Variants in MALRD1 observed in about 807,000 individuals in gnomAD.
MALRD1 encodes the protein MAM and LDL-receptor class A domain-containing protein 1.
In MALRD1, 247 loss-of-function variants were observed where a neutral mutation model predicts 242.1. That is an observed-to-expected ratio of 1.02 (90% CI 0.92 to 1.13). MALRD1 has a LOEUF of 1.13. MALRD1 is among the 50% of genes most tolerant of loss of function. MALRD1 has a pLI of 0.00. For synonymous variants in MALRD1, 995 were observed against 866.6 expected, an observed-to-expected ratio of 1.15 and a Z score of -2.60; for missense variants, 2,989 against 2,533.1, an observed-to-expected ratio of 1.18 and a Z score of -3.86.
chr10:19,534,475 C>T (rs1834563438), intron 32 of MALRD1, among the ~76,000 whole-genome samples: 1 of 152,146 alleles, frequency 6.6e-6, no homozygotes, highest in South Asian at 2.1e-4. Flanking sequence ...TACTGCAGGA[C>T]CACTCCTTAT....
chr10:19,220,968 A>G (rs1313924254), intron 18 of MALRD1, among the ~76,000 whole-genome samples: 1 of 152,184 alleles, frequency 6.6e-6, no homozygotes, highest in Non-Finnish European at 1.5e-5. Context: ...ACTTTCAAAT[A>G]AAATATTCTC....
At chr10:19,708,901 G>A (rs1185327080) in intron 38 of MALRD1, among the ~76,000 whole-genome samples, 2 of 121,884 alleles carry the variant, frequency 1.6e-5, no homozygotes, top group Non-Finnish European at 3.8e-5. Flanking sequence ...GACTTCAGGT[G>A]ATCTGCCCGC....
chr10:19,461,013 G>A (rs1835911578), intron 29 of MALRD1, among the ~76,000 whole-genome samples: 1 of 152,122 alleles, frequency 6.6e-6, no homozygotes, highest in Admixed American at 6.6e-5. Flanking sequence ...TCTGGTTATA[G>A]TAACCTAATT....
chr10:19,378,032 G>T (rs962324002), intron 26 of MALRD1, among the ~76,000 whole-genome samples: 6 of 151,950 alleles, frequency 3.9e-5, no homozygotes, highest in African/African-American at 1.4e-4. Context: ...AACATAATTG[G>T]ATTAATTGAC....
At chr10:19,615,173 A>G (rs1327780783) in intron 35 of MALRD1, among the ~76,000 whole-genome samples, 1 of 152,048 alleles carries the variant, frequency 6.6e-6, no homozygotes, top group African/African-American at 2.4e-5. Flanking sequence ...TACACTATCT[A>G]TATACATATA....
intron 21 of MALRD1, among the ~76,000 whole-genome samples, chr10:19,302,585 A>T (rs1842001382): frequency 6.6e-6 from 1 of 151,778 alleles, no homozygotes. Context: ...GATTGGGCAA[A>T]TCTACAGAAA....
chr10:19,200,306 T>C (rs1239468814), intron 14 of MALRD1, among the ~76,000 whole-genome samples: 2 of 152,238 alleles, frequency 1.3e-5, no homozygotes, highest in African/African-American at 4.8e-5. Flanking sequence ...AAATTACTAC[T>C]CACATGCTCA....
rs528040630 is a variant in MALRD1 at position 19,567,608 on chromosome 10, C to T, written c.5585C>T (p.Pro1862Leu). The T allele has an allele frequency of 1.8e-5, 28 of 1,550,476 alleles. No individual in the cohort carries two copies. In the East Asian group the frequency reaches 4.4e-4, roughly 24 times the overall value. ...TCTGTGCCTCTCTCCAGTAACAGTC[C>T]GTTTAAGGTGGCATTTGAAGCTGAT... The part of the protein sequence containing the change: ...YGSVPLSSNS[P>L]FKVAFEADLD... Residue 1862 changes from proline to leucine, a missense_variant, in exon 33 of 40, where the codon CCG becomes CTG. Pro to Leu is a moderately conservative substitution (Grantham distance 98). Coordinates refer to ENST00000454679, the MANE Select transcript of MALRD1 (RefSeq NM_001142308.3).
chr10:19,065,287 C>CAAAAAAAAAAAAAAAAAAA (rs1197670439), intron 1 of MALRD1, among the ~76,000 whole-genome samples: 7 of 50,624 alleles, frequency 1.4e-4, no homozygotes, highest in East Asian at 9.2e-4. Flanking sequence ...AACGCTGTCT[C>CAAAAAAAAAAAAAAAAAAA]AAAAAAAAAA....
intron 26 of MALRD1, among the ~76,000 whole-genome samples, chr10:19,352,948 T>C (rs1258895982): frequency 1.3e-5 from 2 of 152,140 alleles, no homozygotes. Context: ...ATAAATATTA[T>C]TAACGAGACA....
intron 36 of MALRD1, among the ~76,000 whole-genome samples, chr10:19,680,816 T>A (rs1172566366): frequency 6.6e-6 from 1 of 152,168 alleles, no homozygotes; most frequent in Non-Finnish European, 1.5e-5. Flanking sequence ...TCAGGAGCAC[T>A]TGGAAGGCAG....
At chr10:19,328,463 G>A (rs974610718) in intron 23 of MALRD1, among the ~76,000 whole-genome samples, 7 of 152,076 alleles carry the variant, frequency 4.6e-5, no homozygotes, top group East Asian at 1.9e-4. Flanking sequence ...ATTTAGAGCC[G>A]TTTATCTCCA....
intron 29 of MALRD1, among the ~76,000 whole-genome samples, chr10:19,473,358 T>A (rs192504109): frequency 6.6e-6 from 1 of 152,140 alleles, no homozygotes; most frequent in East Asian, 1.9e-4. Flanking sequence ...TTAATCATTG[T>A]TAGGCCTACA....
chr10:19,557,132 A>G (rs1835758045), intron 32 of MALRD1, among the ~76,000 whole-genome samples: 1 of 152,004 alleles, frequency 6.6e-6, no homozygotes, highest in Non-Finnish European at 1.5e-5. Flanking sequence ...CATTTTTCTC[A>G]TCAGGTTGTT....
chr10:19,615,840 G>T lies in MALRD1; in HGVS notation c.6071-17G>T. On this transcript the variant is annotated splice_polypyrimidine_tract_variant and intron_variant, in intron 35 of 39. Transcript: ENST00000454679. ...CTATTTATAATTAACTGGTGTCTTT[G>T]TGATGCTTCTTTTTAGAATGTCCAT... 1 of 1,518,622 alleles carries T rather than the reference G, an allele frequency of 6.6e-7. No individual in the cohort carries two copies. The highest frequency in any genetic ancestry group is 8.8e-7 in the Non-Finnish European group (1 of 1,134,608). The allele number at this position is 1,518,622 out of a possible 1,614,324, so 94.1% of individuals were successfully genotyped here.
intron 18 of MALRD1, among the ~76,000 whole-genome samples, chr10:19,242,055 G>A (rs1250913833): frequency 6.6e-6 from 1 of 152,102 alleles, no homozygotes; most frequent in African/African-American, 2.4e-5. Context: ...GTATTAGTCT[G>A]TTTTCATACT....
intron 24 of MALRD1, among the ~76,000 whole-genome samples, chr10:19,335,400 T>C (rs1221812912): frequency 6.6e-6 from 1 of 152,064 alleles, no homozygotes; most frequent in African/African-American, 2.4e-5. Flanking sequence ...AATTTTTTTT[T>C]AAAAGTTCAA....
chr10:19,146,552 T>C (rs1396686145), intron 11 of MALRD1, among the ~76,000 whole-genome samples: 2 of 152,154 alleles, frequency 1.3e-5, no homozygotes, highest in East Asian at 1.9e-4. Flanking sequence ...ATGTTTGTTG[T>C]TGCACTTTTT....
Position 19,171,429 on chromosome 10 carries a change from CAT to C in MALRD1, c.1831-3751_1831-3750del, listed in dbSNP as rs71387049. Reference sequence around the variant, plus strand: ...GTCACAACATTTTATATTTTATATACATATATATATATATATATATATATATA... The same window carrying C: ...GTCACAACATTTTATATTTTATATACATATATATATATATATATATATATA... On this transcript the variant is annotated intron_variant, in intron 13 of 39. Coordinates refer to ENST00000454679, the MANE Select transcript of MALRD1 (RefSeq NM_001142308.3). Among the ~76,000 whole-genome samples the C allele has an allele frequency of 9.1e-3, 556 of 61,412 alleles. 16 individuals are homozygous for C. Among genetic ancestry groups the C allele is most frequent in the East Asian group, 0.044 (75 of 1,708 alleles). The allele number at this position is 61,412 out of a possible 152,430, so 40.3% of individuals were successfully genotyped here.
Sources: allele counts gnomAD v4.1 joint callset (sites outside exome capture counted in the v4.1 genomes callset), GRCh38; gene constraint gnomAD v4.1.1; transcripts MANE v1.5; gene names NCBI Gene and HGNC (gene_info 2026-07-23, HGNC 2026-07-21).